The following GAS7 variants were observed in gnomAD, a reference collection of about 807,000 sequenced individuals.
GAS7 encodes the protein growth arrest specific 7.
Under a neutral mutation model 71.1 loss-of-function variants are expected in GAS7, and 28 were observed. That is an observed-to-expected ratio of 0.39 (90% confidence interval 0.29 to 0.54). GAS7 has a LOEUF of 0.54. Among genes scored for constraint, GAS7 ranks in the 20% least tolerant of loss-of-function variants. The probability of loss-of-function intolerance (pLI) is 0.62; values close to 1 mark genes in which losing one functional copy is unlikely to be tolerated. For missense variants in GAS7, 436 were observed against 627.8 expected (o/e 0.69, Z 3.27); for synonymous variants, 258 against 245.8 (o/e 1.05, Z -0.46).
intron 1 of GAS7, among the ~76,000 whole-genome samples, chr17:10,048,204 A>C (rs368590677): frequency 6.6e-6 from 1 of 152,246 alleles, no homozygotes; most frequent in Non-Finnish European, 1.5e-5. Context: ...TGGGAGGCTG[A>C]GGCAGGAGAA....
intron 1 of GAS7, among the ~76,000 whole-genome samples, chr17:10,030,214 AG>A (rs992607105): frequency 6.6e-6 from 1 of 152,186 alleles, no homozygotes; most frequent in African/African-American, 2.4e-5. Flanking sequence ...ATTGGCCCCG[AG>A]GGGGCAGTCA....
rs547571404 is a variant in GAS7, at chr17:10,113,106, G to C, written c.183+85102C>G. 2.6e-5 allele frequency among the ~76,000 whole-genome samples: 4 copies of C among 152,208 alleles called. No homozygotes were observed. The East Asian group carries it at 5.8e-4, about 22-fold the overall frequency. On this transcript the variant is annotated intron_variant, in intron 1 of 13. Coordinates refer to ENST00000432992, the MANE Select transcript of GAS7 (RefSeq NM_201433.2). Reference sequence around the variant, plus strand: ...CTGCATGGGAGGCTGCAATAGAGTGGGGGAGCCATGGGAGAGAAATTCAAC... The same window carrying C: ...CTGCATGGGAGGCTGCAATAGAGTGCGGGAGCCATGGGAGAGAAATTCAAC...
At chr17:10,008,868 C>T (rs1344632326) in intron 2 of GAS7, among the ~76,000 whole-genome samples, 2 of 152,114 alleles carry the variant, frequency 1.3e-5, no homozygotes, top group Admixed American at 6.6e-5. Flanking sequence ...TTTAGTCTCA[C>T]ATTTGCTCAA....
At position 10,027,907 on chromosome 17, in the gene GAS7, C is replaced by T. The variant is rs11869521; in HGVS notation, c.184-8010G>A. Among the ~76,000 whole-genome samples the T allele has an allele frequency of 3.1e-3, 479 of 152,276 alleles. 2 individuals carry two copies. The highest frequency in any genetic ancestry group is 0.011 in the African/African-American group (464 of 41,556). On this transcript the variant is annotated intron_variant, in intron 1 of 13. Coordinates refer to ENST00000432992, the MANE Select transcript of GAS7 (RefSeq NM_201433.2). ...TTTGTTTGTTTGTTTTGTTTTTTGA[C>T]GGAGTCTCACTCTGTCGCCAGGCTG... is the stretch of plus-strand genomic sequence containing the variant.
chr17:10,115,588 T>C (rs960752594), intron 1 of GAS7, among the ~76,000 whole-genome samples: 1 of 152,212 alleles, frequency 6.6e-6, no homozygotes. Flanking sequence ...GCAGTGTCCA[T>C]ACACTTGGGG....
At chr17:9,924,269 G>A (rs1458057282) in intron 11 of GAS7, among the ~76,000 whole-genome samples, 1 of 152,118 alleles carries the variant, frequency 6.6e-6, no homozygotes, top group African/African-American at 2.4e-5. Flanking sequence ...AACCTCCTGG[G>A]TTCAAGCCAT....
intron 1 of GAS7, among the ~76,000 whole-genome samples, chr17:10,111,536 A>C (rs2073813004): frequency 8.4e-6 from 1 of 119,190 alleles, no homozygotes; most frequent in Non-Finnish European, 1.8e-5. Flanking sequence ...CTGTCTCAAA[A>C]AAACAAACAA....
chr17:10,093,954 C>T (rs17686096), intron 1 of GAS7, among the ~76,000 whole-genome samples: 4,567 of 152,300 alleles, frequency 0.03, 84 homozygotes, highest in Middle Eastern at 0.044. Flanking sequence ...TCAAGGTCCC[C>T]TTCTGGCATA....
At chr17:10,150,828 C>T (rs902371918) in intron 1 of GAS7, among the ~76,000 whole-genome samples, 24 of 152,082 alleles carry the variant, frequency 1.6e-4, no homozygotes, top group African/African-American at 5.8e-4. Context: ...ACCTAAAATG[C>T]TCCACCCACC....
In GAS7 at chr17:10,098,101, G is replaced by A. The variant is rs370005476; in HGVS notation, c.184-78204C>T. ...GCCTCCTTGTGCCCAAGAGACCCTG[G>A]GGTGTCCCCAAACTTCTGTGCCACT... is the stretch of plus-strand genomic sequence containing the variant. On this transcript the variant is annotated intron_variant, in intron 1 of 13. Coordinates refer to ENST00000432992, the MANE Select transcript of GAS7 (RefSeq NM_201433.2). 4.6e-5 allele frequency among the ~76,000 whole-genome samples: 7 copies of A among 151,864 alleles called. No individual in the cohort carries two copies. The East Asian group carries it at 9.7e-4, about 21-fold the overall frequency.
At chr17:10,165,317 C>T (rs367576091) in intron 1 of GAS7, among the ~76,000 whole-genome samples, 1 of 132,968 alleles carries the variant, frequency 7.5e-6, no homozygotes, top group Non-Finnish European at 1.6e-5. Flanking sequence ...AAAAAGAAAA[C>T]AAAAGAAAAG....
intron 1 of GAS7, chr17:10,061,167 A>C (rs768772417): frequency 6.6e-6 from 1 of 152,300 alleles, no homozygotes; most frequent in African/African-American, 2.4e-5. Flanking sequence ...AACCAAATGC[A>C]AACCTCATGG....
intron 1 of GAS7, among the ~76,000 whole-genome samples, chr17:10,046,844 GGAAAGAAAAGAAAAGAA>G (rs2072976457): frequency 1.2e-5 from 1 of 80,900 alleles, no homozygotes; most frequent in Admixed American, 1.2e-4. Context: ...AAGGAAGGAA[GGAAAGAAAAGAAAAGAA>G]AAAAGAAAAG....
chr17:10,060,040 C>T (rs1199938456), intron 1 of GAS7, among the ~76,000 whole-genome samples: 1 of 152,196 alleles, frequency 6.6e-6, no homozygotes, highest in Non-Finnish European at 1.5e-5. Flanking sequence ...ACCCACTCTG[C>T]TTTCAGCAGC....
intron 2 of GAS7, among the ~76,000 whole-genome samples, chr17:9,984,349 G>A (rs756395786): frequency 6.6e-6 from 1 of 152,078 alleles, no homozygotes; most frequent in Non-Finnish European, 1.5e-5. Context: ...TTGGGTTTCA[G>A]GAAGGGTGAA....
intron 1 of GAS7, chr17:10,039,858 G>A (rs2072830187): frequency 2.4e-6 from 1 of 415,056 alleles, no homozygotes; most frequent in Admixed American, 2.9e-5. Flanking sequence ...CCCAGAGGGG[G>A]TGACAATGTG....
intron 2 of GAS7, among the ~76,000 whole-genome samples, chr17:9,988,030 T>C (rs2070706934): frequency 2.6e-5 from 4 of 152,364 alleles, no homozygotes; most frequent in East Asian, 3.9e-4. Context: ...TAACCACAGA[T>C]ACCAGAGCAG....
At chr17:10,161,103 C>T (rs907249325) in intron 1 of GAS7, among the ~76,000 whole-genome samples, 7 of 152,042 alleles carry the variant, frequency 4.6e-5, no homozygotes, top group South Asian at 2.1e-4. Flanking sequence ...TGTTTGTTTG[C>T]GGTTTTTGTT....
intron 3 of GAS7, among the ~76,000 whole-genome samples, chr17:9,980,627 T>C (rs751115133): frequency 1.1e-4 from 17 of 152,136 alleles, no homozygotes; most frequent in Non-Finnish European, 2.1e-4. Context: ...CCACACACCA[T>C]AGGATGGTGG....
Sources: allele counts gnomAD v4.1 joint callset (sites outside exome capture counted in the v4.1 genomes callset), GRCh38; gene constraint gnomAD v4.1.1; transcripts MANE v1.5; gene names NCBI Gene and HGNC (gene_info 2026-07-23, HGNC 2026-07-21).